The following FAAH2 variants were observed in gnomAD, a reference collection of about 807,000 sequenced individuals.
FAAH2 encodes fatty acid amide hydrolase 2.
A neutral mutation model predicts 36.9 loss-of-function variants in FAAH2; 60 were observed. That is an observed-to-expected ratio of 1.63 (90% confidence interval 1.32 to 2.02). The LOEUF is 2.02. Ranked by LOEUF, FAAH2 falls within the 30% of genes most tolerant of loss-of-function variation. FAAH2 has a pLI of 0.00. For missense variants in FAAH2, 689 were observed against 397.5 expected, an observed-to-expected ratio of 1.73 and a Z score of -6.23; for synonymous variants, 214 against 143.8, an observed-to-expected ratio of 1.49 and a Z score of -3.49.
chrX:57,157,587 T>C, the FAAH2 span, among the ~76,000 whole-genome samples: 2 of 111,515 alleles, frequency 1.8e-5, no homozygotes, highest in African/African-American at 6.5e-5. Flanking sequence ...CTGTTTTAGA[T>C]TGGGAGAGGG....
intron 7 of FAAH2, among the ~76,000 whole-genome samples, chrX:57,421,021 T>G (rs1170484366): frequency 8.9e-6 from 1 of 112,562 alleles, no homozygotes; most frequent in Admixed American, 9.4e-5. Flanking sequence ...TTGTTCACAG[T>G]AATCAACCTG....
At chrX:57,346,373 G>A (rs966369344) in intron 5 of FAAH2, among the ~76,000 whole-genome samples, 2 of 111,444 alleles carry the variant, frequency 1.8e-5, no homozygotes, top group Non-Finnish European at 3.8e-5. Context: ...ATTATATTAT[G>A]CCCTTCTTTG....
intron 8 of FAAH2, among the ~76,000 whole-genome samples, chrX:57,440,013 T>A (rs1051631051): frequency 9.0e-5 from 10 of 111,692 alleles, no homozygotes; most frequent in Non-Finnish European, 1.5e-4. Context: ...AGCCTTGTAG[T>A]ATAGTTTGAA....
chrX:57,446,928 G>A lies in FAAH2; in HGVS notation c.1117G>A (p.Glu373Lys), dbSNP rs377492654. ...TTTTATTTCTTTCCTTCAATCTCAGGAACCTGTGAAATTTGTAGATTTGCT... is the reference window on the plus strand; with the variant it reads ...TTTTATTTCTTTCCTTCAATCTCAGAAACCTGTGAAATTTGTAGATTTGCT... ...MMSAKGHDGK[E>K]PVKFVDLLGD... The change falls in exon 9 of 11, where the codon GAA becomes AAA. Residue 373 changes from glutamate to lysine, a missense_variant and splice_region_variant. Physicochemically the swap from Glu to Lys is moderately conservative, Grantham distance 56 (BLOSUM62 1). Transcript: ENST00000374900. 2 of 1,198,284 alleles carry A rather than the reference G, an allele frequency of 1.7e-6. No individual in the cohort carries two copies. Among genetic ancestry groups the A allele is most frequent in the African/African-American group, 3.5e-5 (2 of 56,490 alleles).
intron 7 of FAAH2, among the ~76,000 whole-genome samples, chrX:57,398,955 C>A (rs1413501477): frequency 5.4e-5 from 6 of 111,269 alleles, no homozygotes; most frequent in Non-Finnish European, 9.4e-5. Flanking sequence ...TAATTGCTTC[C>A]TGCTGAATTG....
At chrX:57,382,980 G>A (rs779651172) in intron 7 of FAAH2, among the ~76,000 whole-genome samples, 1 of 111,197 alleles carries the variant, frequency 9.0e-6, no homozygotes, top group South Asian at 3.8e-4. Context: ...TATCCACCAT[G>A]ATCAAGTGGG....
intron 7 of FAAH2, among the ~76,000 whole-genome samples, chrX:57,423,405 G>A (rs2056084313): frequency 9.0e-6 from 1 of 111,071 alleles, no homozygotes; most frequent in African/African-American, 3.3e-5. Context: ...TGTGGCCTGG[G>A]AGCCTCAGTT....
intron 7 of FAAH2, among the ~76,000 whole-genome samples, chrX:57,425,766 T>C (rs2056146905): frequency 9.0e-6 from 1 of 110,962 alleles, no homozygotes; most frequent in Non-Finnish European, 1.9e-5. Flanking sequence ...CACACAATAG[T>C]ATAAAACTCA....
At chrX:57,356,973 T>C (rs943386424) in intron 5 of FAAH2, among the ~76,000 whole-genome samples, 1 of 110,906 alleles carries the variant, frequency 9.0e-6, no homozygotes, top group Admixed American at 9.7e-5. Context: ...TGATATGCGA[T>C]GTTCCTCTCA....
the FAAH2 span, among the ~76,000 whole-genome samples, chrX:57,264,918 T>C: frequency 9.0e-6 from 1 of 111,445 alleles, no homozygotes; most frequent in Admixed American, 9.5e-5. Context: ...CACCTTCAAT[T>C]AAAATATTCA....
intron 2 of FAAH2, among the ~76,000 whole-genome samples, chrX:57,299,669 C>T (rs2052276865): frequency 9.0e-6 from 1 of 111,545 alleles, no homozygotes; most frequent in African/African-American, 3.3e-5. Flanking sequence ...TCAAATTGTC[C>T]CTGTTTGCAG....
chrX:57,300,239 G>A (rs2052306419), intron 2 of FAAH2, among the ~76,000 whole-genome samples: 1 of 111,420 alleles, frequency 9.0e-6, no homozygotes, highest in Non-Finnish European at 1.9e-5. Flanking sequence ...AAACAGTATG[G>A]TACTGGTACC....
chrX:57,179,422 A>G, the FAAH2 span, among the ~76,000 whole-genome samples: 1 of 112,083 alleles, frequency 8.9e-6, no homozygotes, highest in East Asian at 2.8e-4. Flanking sequence ...AAAGGGATAA[A>G]GAAAAAATCT....
the FAAH2 span, among the ~76,000 whole-genome samples, chrX:57,182,005 G>C: frequency 8.9e-6 from 1 of 111,924 alleles, no homozygotes; most frequent in Non-Finnish European, 1.9e-5. Flanking sequence ...AATAAATGAT[G>C]CTGGGATAAC....
chrX:57,354,383 T>C (rs184343437), intron 5 of FAAH2, among the ~76,000 whole-genome samples: 2 of 110,653 alleles, frequency 1.8e-5, no homozygotes, highest in Non-Finnish European at 3.8e-5. Flanking sequence ...AAACGTTTTT[T>C]ACATGGATGC....
At chrX:57,214,421 G>A in the FAAH2 span, among the ~76,000 whole-genome samples, 1 of 111,151 alleles carries the variant, frequency 9.0e-6, no homozygotes. Flanking sequence ...CTGTCATGCT[G>A]TTTTATTTAT....
In FAAH2 at chrX:57,352,020, G is replaced by GTGTATATATATATATATA. The variant is rs200784566; in HGVS notation, c.742+10631_742+10632insGTATATATATATATATAT. Among the ~76,000 whole-genome samples, 17 of 7,769 alleles carry GTGTATATATATATATATA rather than the reference G, an allele frequency of 2.2e-3. 2 individuals are homozygous for GTGTATATATATATATATA. Among genetic ancestry groups the GTGTATATATATATATATA allele is most frequent in the Admixed American group, 4.7e-3 (1 of 214 alleles). 6.7% of individuals were successfully genotyped at this position (7,769 alleles called of 115,157 possible). On this transcript the variant is annotated intron_variant, in intron 5 of 10. Transcript: ENST00000374900. ...TAAGGAAGCAAATATATGTGTGTGT[G>GTGTATATATATATATATA]TATATATATATATATACATATATAT...
At chrX:57,212,488 G>A in the FAAH2 span, among the ~76,000 whole-genome samples, 701 of 111,547 alleles carry the variant, frequency 6.3e-3, 6 homozygotes, top group Middle Eastern at 9.3e-3. Flanking sequence ...TTCAGGATAT[G>A]AAATAAGAAA....
chrX:57,361,488 A>G (rs2054284693), intron 5 of FAAH2, among the ~76,000 whole-genome samples: 2 of 110,616 alleles, frequency 1.8e-5, no homozygotes, highest in African/African-American at 6.5e-5. Flanking sequence ...TTGTATTTCC[A>G]TTTTATTTTT....
Sources: gnomAD v4.1 joint callset for allele counts (sites outside exome capture counted in the v4.1 genomes callset) on GRCh38, gnomAD v4.1.1 for gene constraint, MANE v1.5 for transcripts, NCBI Gene and HGNC (gene_info 2026-07-23, HGNC 2026-07-21) for gene names.